MYO6: variants seen among roughly 807,000 people sequenced by gnomAD.
MYO6 encodes the protein unconventional myosin-VI.
A neutral mutation model predicts 178.7 loss-of-function variants in MYO6; 74 were observed. The ratio of observed to expected loss-of-function variants is 0.41; its 90% CI spans 0.34 to 0.50. The LOEUF (loss-of-function observed/expected upper bound fraction) is 0.50. Among genes scored for constraint, MYO6 ranks in the 20% least tolerant of loss-of-function variants. The pLI, the probability that MYO6 is intolerant of heterozygous loss-of-function variation, is 0.09. For synonymous variants in MYO6, 477 were observed against 504.6 expected (o/e 0.95, Z 0.73); for missense variants, 1,330 against 1,547.4 (o/e 0.86, Z 2.36).
At chr6:75,825,861 T>C (rs1301152892) in intron 3 of MYO6, among the ~76,000 whole-genome samples, 2 of 152,158 alleles carry the variant, frequency 1.3e-5, no homozygotes, top group Non-Finnish European at 2.9e-5. Context: ...ATATGTTATA[T>C]ATTTATTTAT....
chr6:75,907,820 G>GTGTGTGTA (rs1780457120), intron 31 of MYO6, 112 bp downstream of exon 31: 3 of 784,048 alleles, frequency 3.8e-6, no homozygotes, highest in Non-Finnish European at 6.5e-6. Context: ...GTGTGTGTAT[G>GTGTGTGTA]TGTGTATGTA....
At chr6:75,810,358 T>C (rs1240448802) in intron 1 of MYO6, among the ~76,000 whole-genome samples, 1 of 152,234 alleles carries the variant, frequency 6.6e-6, no homozygotes, top group Non-Finnish European at 1.5e-5. Flanking sequence ...GAGTAAAATA[T>C]TTGATTCTCT....
chr6:75,844,830 T>A, intron 9 of MYO6, 67 bp from the exon 10 acceptor site: 1 of 1,285,882 alleles, frequency 7.8e-7, no homozygotes, highest in South Asian at 1.2e-5. Flanking sequence ...TGGTAAGTTG[T>A]GTTTTCTCCT....
chr6:75,899,407 A>G (rs374484798), intron 30 of MYO6, among the ~76,000 whole-genome samples: 18 of 152,172 alleles, frequency 1.2e-4, no homozygotes, highest in African/African-American at 2.4e-5. Flanking sequence ...CCTCCTAGAA[A>G]AGACTCCCAG....
intron 3 of MYO6, 68 bp from the exon 4 acceptor site, chr6:75,828,472 A>G (rs945882302): frequency 4.2e-6 from 4 of 941,698 alleles, no homozygotes; most frequent in African/African-American, 3.3e-5. Flanking sequence ...GATTCAGATT[A>G]AGATAGTATT....
chr6:75,846,738 A>G (rs1774768048), intron 10 of MYO6, among the ~76,000 whole-genome samples: 1 of 151,984 alleles, frequency 6.6e-6, no homozygotes, highest in South Asian at 2.1e-4. Context: ...TGAAGGGGGG[A>G]AAAAGATATA....
At chr6:75,886,185 T>G in intron 24 of MYO6, 91 bp downstream of exon 24, 1 of 826,580 alleles carries the variant, frequency 1.2e-6, no homozygotes, top group Non-Finnish European at 2.0e-6. Flanking sequence ...GCAGTTTGGA[T>G]ACTCAGGTTT....
intron 6 of MYO6, among the ~76,000 whole-genome samples, chr6:75,833,516 A>G (rs1226892230): frequency 6.6e-6 from 1 of 152,218 alleles, no homozygotes; most frequent in African/African-American, 2.4e-5. Flanking sequence ...TTTTCTGTGA[A>G]TTTAACTACT....
Position 75,915,041 on chromosome 6 carries a change from G to A in MYO6, c.*29G>A. 6.3e-7 allele frequency: 1 copy of A among 1,594,150 alleles called. No individual in the cohort carries two copies. ...TTGCACACCAGCCTTACAGCTGGGAGCCTTTGCCATGGTACTTAGGTAGGG... is the reference window on the plus strand; with the variant it reads ...TTGCACACCAGCCTTACAGCTGGGAACCTTTGCCATGGTACTTAGGTAGGG... On this transcript the variant is annotated 3_prime_UTR_variant, in exon 35 of 35. Transcript: ENST00000369977.
chr6:75,917,342 CA>C lies in MYO6; in HGVS notation c.*2333del, dbSNP rs1316658787. 6.6e-6 allele frequency: 1 copy of C among 152,636 alleles called. No homozygotes were observed. The highest frequency in any genetic ancestry group is 2.4e-5 in the African/African-American group (1 of 41,452). The allele number at this position is 152,636 out of a possible 1,614,324, so 9.5% of individuals were successfully genotyped here. ...AGTTCTTTCCATAGCATATGCTTTGCAAAGGCAGCATGCATAAAATATTTAA... is the reference window on the plus strand; with the variant it reads ...AGTTCTTTCCATAGCATATGCTTTGCAAGGCAGCATGCATAAAATATTTAA... On this transcript the variant is annotated 3_prime_UTR_variant, in exon 35 of 35. Coordinates refer to ENST00000369977, the MANE Select transcript of MYO6 (RefSeq NM_004999.4).
Position 75,749,279 on chromosome 6 carries a change from C to G in MYO6, c.-192C>G, listed in dbSNP as rs548284646. On this transcript the variant is annotated 5_prime_UTR_variant, in exon 1 of 35. Coordinates refer to ENST00000369977, the MANE Select transcript of MYO6 (RefSeq NM_004999.4). Reference sequence around the variant, plus strand: ...ATCTGTCCGAGCAGGAAGCCAGCCTCAGCCCGGCCGCTGTCGCCGCCCTGT... The same window carrying G: ...ATCTGTCCGAGCAGGAAGCCAGCCTGAGCCCGGCCGCTGTCGCCGCCCTGT... The G allele has an allele frequency of 9.6e-4, 146 of 152,650 alleles. 1 individual carries two copies. The highest frequency in any genetic ancestry group is 6.8e-3 in the Middle Eastern group (2 of 294). The allele number at this position is 152,650 out of a possible 1,614,324, so 9.5% of individuals were successfully genotyped here. A position where few individuals can be genotyped will look rare whatever the true frequency, so the allele number is the denominator to read the frequency against.
chr6:75,792,522 G>A (rs1436898734), intron 1 of MYO6, among the ~76,000 whole-genome samples: 1 of 152,152 alleles, frequency 6.6e-6, no homozygotes, highest in African/African-American at 2.4e-5. Flanking sequence ...GAGTGGTAGA[G>A]CTTCTTTGAC....
intron 1 of MYO6, among the ~76,000 whole-genome samples, chr6:75,797,372 C>T (rs907701064): frequency 9.9e-5 from 15 of 152,246 alleles, no homozygotes; most frequent in Admixed American, 5.2e-4. Flanking sequence ...GGATTACAGG[C>T]GTGAGCCACT....
intron 20 of MYO6, among the ~76,000 whole-genome samples, chr6:75,877,465 C>T (rs1235776271): frequency 6.6e-6 from 1 of 151,836 alleles, no homozygotes; most frequent in Non-Finnish European, 1.5e-5. Flanking sequence ...CTGAATTTCA[C>T]CATGTTGGCC....
chr6:75,813,789 C>T (rs561379358), intron 1 of MYO6, among the ~76,000 whole-genome samples: 1 of 152,254 alleles, frequency 6.6e-6, no homozygotes, highest in South Asian at 2.1e-4. Flanking sequence ...CCCCCCAAAT[C>T]AGTGAGTTAT....
intron 33 of MYO6, 61 bp downstream of exon 33, chr6:75,911,759 G>A: frequency 6.7e-7 from 1 of 1,485,118 alleles, no homozygotes; most frequent in Non-Finnish European, 9.4e-7. Flanking sequence ...ACTTTACAAA[G>A]TACTAACTTC....
intron 1 of MYO6, among the ~76,000 whole-genome samples, chr6:75,808,319 C>G (rs938171962): frequency 6.6e-6 from 1 of 152,158 alleles, no homozygotes; most frequent in Non-Finnish European, 1.5e-5. Flanking sequence ...AGATGGCAGC[C>G]TTTTCTCTGT....
rs1774147264 is a variant in MYO6, at chr6:75,840,824, C to T, written c.651+142C>T. On this transcript the variant is annotated intron_variant, in intron 8 of 34. Coordinates refer to ENST00000369977, the MANE Select transcript of MYO6 (RefSeq NM_004999.4). ...TAGATGGTTGCAGGAATATATGTGTCCACTATGACCATCTAAAAGCTCCTT... is the reference window on the plus strand; with the variant it reads ...TAGATGGTTGCAGGAATATATGTGTTCACTATGACCATCTAAAAGCTCCTT... The T allele has an allele frequency of 1.0e-5, 7 of 690,562 alleles. No homozygotes were observed. The Admixed American group carries it at 1.8e-4, about 17-fold the overall frequency. 42.8% of individuals were successfully genotyped at this position (690,562 alleles called of 1,614,324 possible). A position where few individuals can be genotyped will look rare whatever the true frequency, so the allele number is the denominator to read the frequency against.
intron 1 of MYO6, among the ~76,000 whole-genome samples, chr6:75,761,369 C>T (rs1390180924): frequency 1.3e-5 from 2 of 151,946 alleles, no homozygotes; most frequent in African/African-American, 2.4e-5. Flanking sequence ...CCAGCTGTCA[C>T]GACAGATGTT....
Sources: gnomAD v4.1 joint callset for allele counts (sites outside exome capture counted in the v4.1 genomes callset) on GRCh38, gnomAD v4.1.1 for gene constraint, MANE v1.5 for transcripts, NCBI Gene and HGNC (gene_info 2026-07-23, HGNC 2026-07-21) for gene names.